The following POLR1C variants were observed in gnomAD, a reference collection of about 807,000 sequenced individuals.
The protein encoded by POLR1C is RNA polymerase I and III subunit C, also known as DNA-directed RNA polymerases I and III subunit RPAC1.
A neutral mutation model predicts 38.3 loss-of-function variants in POLR1C; 42 were observed. The observed-to-expected ratio is 1.10, with a 90% confidence interval of 0.86 to 1.42. POLR1C has a LOEUF of 1.42. Ranked by LOEUF, POLR1C falls within the 40% of genes most tolerant of loss-of-function variation. POLR1C has a pLI of 0.00. For synonymous variants in POLR1C, 163 were observed against 163.9 expected, an observed-to-expected ratio of 0.99 and a Z score of 0.04; for missense variants, 507 against 450.5, an observed-to-expected ratio of 1.13 and a Z score of -1.14.
intron 4 of POLR1C, 90 bp downstream of exon 4, chr6:43,519,928 T>G: frequency 6.5e-7 from 1 of 1,539,012 alleles, no homozygotes; most frequent in Non-Finnish European, 8.9e-7. Flanking sequence ...TCTTTGTACA[T>G]CAGTGTCTTT....
intron 10 of POLR1C, chr6:43,561,112 G>T: frequency 2.1e-6 from 2 of 938,922 alleles, no homozygotes; most frequent in African/African-American, 1.6e-5. Context: ...AAAAAATGTT[G>T]TTTCAAAAGG....
rs1210683363 is a variant in POLR1C, at chr6:43,521,234, C to T, written c.975C>T (p.Ala325=). ...VLPPDVLVSE[A]IKVLMGKCRR... Reference sequence around the variant, plus strand: ...CACCAGATGTGCTGGTGAGTGAAGCCATCAAAGTACTGATGGGGAAGTGCC... The same window carrying T: ...CACCAGATGTGCTGGTGAGTGAAGCTATCAAAGTACTGATGGGGAAGTGCC... Residue 325 remains alanine (A), a synonymous_variant, in exon 9 of 9, where the codon GCC becomes GCT. Coordinates refer to ENST00000642195, the MANE Select transcript of POLR1C (RefSeq NM_203290.4). 6.2e-7 allele frequency: 1 copy of T among 1,613,764 alleles called. No individual in the cohort carries two copies. The highest frequency in any genetic ancestry group is 8.5e-7 in the Non-Finnish European group (1 of 1,180,030).
exon 9 of POLR1C, chr6:43,529,449 G>A (rs1406055729): frequency 3.1e-6 from 1 of 320,446 alleles, no homozygotes; most frequent in Non-Finnish European, 5.9e-6. Flanking sequence ...AGCTACTCGA[G>A]AAGCTAAGGC....
At chr6:43,525,210 A>G (rs1456311605), downstream of POLR1C, 1 of 1,572,134 alleles carries the variant, frequency 6.4e-7, no homozygotes, top group Non-Finnish European at 8.6e-7. Context: ...CGCTGTACAA[A>G]CATCCTGAAC....
intron 2 of POLR1C, among the ~76,000 whole-genome samples, chr6:43,518,365 G>A (rs1792954244): frequency 6.6e-6 from 1 of 152,164 alleles, no homozygotes; most frequent in Non-Finnish European, 1.5e-5. Flanking sequence ...TTTTGGCTTG[G>A]GAACTGCTTT....
In POLR1C at chr6:43,520,410, A is replaced by G. The variant is rs1582182496; in HGVS notation, c.638A>G (p.His213Arg). 2 of 1,613,718 alleles carry G rather than the reference A, an allele frequency of 1.2e-6. No individual in the cohort carries two copies. Among genetic ancestry groups the G allele is most frequent in the East Asian group, 2.2e-5 (1 of 44,884 alleles). Residue 213 changes from histidine (H) to arginine (R), a missense_variant, in exon 6 of 9, where the codon CAC becomes CGC. His to Arg is a conservative substitution (Grantham distance 29). Coordinates refer to ENST00000642195, the MANE Select transcript of POLR1C (RefSeq NM_203290.4). ...RPGQEIDLLM[H>R]CVKGIGKDHA... ...GGCCAAGAAATTGACCTGCTCATGC[A>G]CTGTGTCAAGGGCATTGGTGAGAAC...
At chr6:43,549,527 T>C (rs1370816315) in intron 9 of POLR1C, 3 of 1,613,252 alleles carry the variant, frequency 1.9e-6, no homozygotes, top group Admixed American at 1.7e-5. Context: ...ATCTTGATGA[T>C]GGAGGAACAA....
intron 1 of POLR1C, 49 bp downstream of exon 1, chr6:43,517,227 G>A: frequency 6.2e-7 from 1 of 1,610,060 alleles, no homozygotes; most frequent in Non-Finnish European, 8.5e-7. Flanking sequence ...GAGCGGAACA[G>A]GGATGGGTCT....
At chr6:43,537,490 C>T (rs1303069796) in intron 9 of POLR1C, among the ~76,000 whole-genome samples, 6 of 152,286 alleles carry the variant, frequency 3.9e-5, no homozygotes, top group Non-Finnish European at 1.5e-5. Flanking sequence ...CTGTCCTCGA[C>T]AACTCAACTC....
chr6:43,555,633 CTAATT>C, intron 10 of POLR1C: 2 of 495,080 alleles, frequency 4.0e-6, no homozygotes, highest in Admixed American at 7.4e-5. Flanking sequence ...TGGTTTTACC[CTAATT>C]TAAAACAAAT....
chr6:43,535,216 C>G (rs1000468892), intron 9 of POLR1C, among the ~76,000 whole-genome samples: 2 of 143,402 alleles, frequency 1.4e-5, no homozygotes, highest in African/African-American at 5.2e-5. Flanking sequence ...GCCAAGACTG[C>G]GCCACTGCAC....
exon 11 of POLR1C, chr6:43,561,997 G>A (rs1314153257): frequency 6.2e-6 from 2 of 322,352 alleles, no homozygotes; most frequent in Non-Finnish European, 5.6e-6. Context: ...AGAAACCAAC[G>A]TTGACTTTAT....
intron 10 of POLR1C, among the ~76,000 whole-genome samples, chr6:43,551,714 G>A (rs952591288): frequency 2.0e-5 from 3 of 151,976 alleles, no homozygotes; most frequent in African/African-American, 7.3e-5. Context: ...TTGTAGAGAT[G>A]TTGTAGAAGT....
At chr6:43,530,422 CAAA>C (rs780873253), downstream of POLR1C, among the ~76,000 whole-genome samples, 2 of 130,234 alleles carry the variant, frequency 1.5e-5, no homozygotes, top group African/African-American at 2.8e-5. Context: ...AAGACTGTCT[CAAA>C]AAAAAAAAAA....
downstream of POLR1C, among the ~76,000 whole-genome samples, chr6:43,524,290 T>G (rs1212175784): frequency 1.3e-5 from 2 of 150,660 alleles, no homozygotes; most frequent in Non-Finnish European, 2.9e-5. Flanking sequence ...AGGCGGAGGT[T>G]GTGGTGAGCT....
intron 9 of POLR1C, chr6:43,547,723 G>A (rs1795029464): frequency 6.2e-7 from 1 of 1,608,774 alleles, no homozygotes; most frequent in Non-Finnish European, 8.5e-7. Context: ...GGTTGGAGGG[G>A]GAAAAACAAG....
intron 9 of POLR1C, among the ~76,000 whole-genome samples, chr6:43,541,905 G>A (rs895498672): frequency 6.6e-6 from 1 of 152,092 alleles, no homozygotes; most frequent in Non-Finnish European, 1.5e-5. Context: ...AACCTTTTGA[G>A]TAGCTGGGGT....
intron 10 of POLR1C, chr6:43,558,610 T>C (rs566423545): frequency 1.3e-6 from 2 of 1,558,062 alleles, no homozygotes; most frequent in African/African-American, 2.7e-5. Context: ...AGAAAGGTAA[T>C]TGGGGTAGGG....
intron 9 of POLR1C, chr6:43,546,484 G>C: frequency 7.6e-7 from 1 of 1,324,272 alleles, no homozygotes; most frequent in Non-Finnish European, 1.0e-6. Flanking sequence ...ATACCACTAA[G>C]ATATGAAGAC....
Sources: gnomAD v4.1 joint callset for allele counts (sites outside exome capture counted in the v4.1 genomes callset) on GRCh38, gnomAD v4.1.1 for gene constraint, MANE v1.5 for transcripts, NCBI Gene and HGNC (gene_info 2026-07-23, HGNC 2026-07-21) for gene names.